PPHLN1: variants seen among roughly 807,000 people sequenced by gnomAD.
The protein encoded by PPHLN1 is periphilin 1, also known as periphilin-1.
PPHLN1 carries 29 observed loss-of-function variants against 51.3 expected under a neutral mutation model. The ratio of observed to expected loss-of-function variants is 0.57; its 90% confidence interval spans 0.42 to 0.77. The LOEUF (loss-of-function observed/expected upper bound fraction) is 0.77. Among genes scored for constraint, PPHLN1 ranks in the 30% least tolerant of loss-of-function variants. The probability of loss-of-function intolerance (pLI) is 0.00; values close to 1 mark genes in which losing one functional copy is unlikely to be tolerated. For missense variants in PPHLN1, 436 were observed against 438.4 expected (o/e 0.99, Z 0.05); for synonymous variants, 147 against 147.8 (o/e 0.99, Z 0.04).
At chr12:42,358,459 T>C (rs1489974142) in intron 4 of PPHLN1, among the ~76,000 whole-genome samples, 1 of 152,252 alleles carries the variant, frequency 6.6e-6, no homozygotes, top group Non-Finnish European at 1.5e-5. Flanking sequence ...GGTGTGATCA[T>C]GGCTCCCTGT....
At chr12:42,347,865 A>G (rs181609602) in intron 2 of PPHLN1, among the ~76,000 whole-genome samples, 1 of 152,276 alleles carries the variant, frequency 6.6e-6, no homozygotes, top group East Asian at 1.9e-4. Flanking sequence ...ATATACCTGG[A>G]TAAGACACGA....
At chr12:42,436,269 T>C (rs1360333100) in intron 9 of PPHLN1, among the ~76,000 whole-genome samples, 2 of 145,750 alleles carry the variant, frequency 1.4e-5, no homozygotes, top group Admixed American at 6.9e-5. Context: ...GCTCTTACAT[T>C]GTCTTAAAGC....
At chr12:42,415,458 A>G (rs956146876) in intron 9 of PPHLN1, among the ~76,000 whole-genome samples, 1 of 152,200 alleles carries the variant, frequency 6.6e-6, no homozygotes, top group Non-Finnish European at 1.5e-5. Context: ...GGCGTGAGCC[A>G]CCGCCCCTAG....
At chr12:42,442,763 G>A (rs966867687), downstream of PPHLN1, 15 of 1,612,080 alleles carry the variant, frequency 9.3e-6, no homozygotes, top group Admixed American at 6.7e-5. Flanking sequence ...GTGCCCGCTC[G>A]GGATTTCCAA....
At chr12:42,415,321 G>A (rs1245260736) in intron 9 of PPHLN1, among the ~76,000 whole-genome samples, 1 of 152,108 alleles carries the variant, frequency 6.6e-6, no homozygotes. Flanking sequence ...ACAGGCGCAT[G>A]CCACCACACC....
At chr12:42,350,106 C>T (rs576885737) in intron 2 of PPHLN1, 10 of 148,254 alleles carry the variant, frequency 6.7e-5, no homozygotes, top group African/African-American at 2.5e-4. Flanking sequence ...GGCTGCCGGG[C>T]GGGGGCGCCC....
At chr12:42,446,648 C>T (rs770763334), downstream of PPHLN1, 5 of 1,604,008 alleles carry the variant, frequency 3.1e-6, no homozygotes, top group Admixed American at 6.7e-5. Flanking sequence ...TGTTGCTGCA[C>T]ACATCTGTAC....
At chr12:42,431,147 T>G (rs2082002837) in intron 9 of PPHLN1, among the ~76,000 whole-genome samples, 1 of 152,220 alleles carries the variant, frequency 6.6e-6, no homozygotes, top group Non-Finnish European at 1.5e-5. Context: ...ATAAATGTAT[T>G]CCAGTGGTCT....
chr12:42,381,204 GTTTA>G (rs1280118901), intron 5 of PPHLN1, among the ~76,000 whole-genome samples: 2 of 152,120 alleles, frequency 1.3e-5, no homozygotes, highest in Non-Finnish European at 2.9e-5. Flanking sequence ...AGGATCCATT[GTTTA>G]CTCACAAGAG....
chr12:42,372,677 A>G (rs962450908), intron 4 of PPHLN1, among the ~76,000 whole-genome samples: 1 of 151,870 alleles, frequency 6.6e-6, no homozygotes, highest in African/African-American at 2.4e-5. Flanking sequence ...GCTTTCCTCT[A>G]TACCAGGCTT....
Position 42,348,276 on chromosome 12 carries a change from A to ATTTT in PPHLN1, c.73-3587_73-3584dup, listed in dbSNP as rs1213561958. ...CAGGCATGCACACCTCACCTGGCTA[A>ATTTT]TTTTTTTTTTTTTTTTTTTTTTTTT... On this transcript the variant is annotated intron_variant, in intron 2 of 9. Coordinates refer to ENST00000358314, the MANE Select transcript of PPHLN1 (RefSeq NM_201439.2). 1.1e-3 allele frequency among the ~76,000 whole-genome samples: 90 copies of ATTTT among 85,588 alleles called. 1 individual carries two copies. Among genetic ancestry groups the ATTTT allele is most frequent in the African/African-American group, 3.4e-3 (70 of 20,336 alleles). The allele number at this position is 85,588 out of a possible 152,430, so 56.1% of individuals were successfully genotyped here. A position where few individuals can be genotyped will look rare whatever the true frequency, so the allele number is the denominator to read the frequency against.
intron 9 of PPHLN1, among the ~76,000 whole-genome samples, chr12:42,419,028 A>T (rs1451631326): frequency 6.6e-6 from 1 of 152,182 alleles, no homozygotes; most frequent in Non-Finnish European, 1.5e-5. Context: ...AAATATATAA[A>T]ATCATTATTT....
chr12:42,352,840 G>A (rs1180020072), intron 3 of PPHLN1, among the ~76,000 whole-genome samples: 1 of 152,130 alleles, frequency 6.6e-6, no homozygotes, highest in South Asian at 2.1e-4. Context: ...TGTAATCCCA[G>A]CACTTTGGGA....
intron 9 of PPHLN1, among the ~76,000 whole-genome samples, chr12:42,430,340 T>TCC: frequency 6.6e-6 from 1 of 151,944 alleles, no homozygotes; most frequent in South Asian, 2.1e-4. Flanking sequence ...TGTGATGCTG[T>TCC]CCCCCCGCCA....
intron 4 of PPHLN1, among the ~76,000 whole-genome samples, chr12:42,363,466 T>C (rs1002079119): frequency 6.6e-6 from 1 of 151,888 alleles, no homozygotes; most frequent in East Asian, 1.9e-4. Flanking sequence ...CATTTTGTTA[T>C]GTGTTTCATG....
chr12:42,400,798 T>TCTCACACA (rs1372615565), intron 9 of PPHLN1, among the ~76,000 whole-genome samples: 46 of 142,630 alleles, frequency 3.2e-4, no homozygotes, highest in African/African-American at 1.1e-3. Context: ...TCTCTCTCTT[T>TCTCACACA]CACACACACA....
chr12:42,329,007 C>G (rs915535939), intron 1 of PPHLN1, among the ~76,000 whole-genome samples: 1 of 152,106 alleles, frequency 6.6e-6, no homozygotes, highest in South Asian at 2.1e-4. Context: ...AGCCACCGCA[C>G]CCAGCCCCAG....
Position 42,326,209 on chromosome 12 carries a change from T to C in PPHLN1, c.-41T>C, listed in dbSNP as rs955785525. 6.6e-6 allele frequency: 1 copy of C among 152,070 alleles called. No individual in the cohort carries two copies. Among genetic ancestry groups the C allele is most frequent in the Non-Finnish European group, 1.5e-5 (1 of 68,082 alleles). 9.4% of individuals were successfully genotyped at this position (152,070 alleles called of 1,614,324 possible). A position where few individuals can be genotyped will look rare whatever the true frequency, so the allele number is the denominator to read the frequency against. On this transcript the variant is annotated 5_prime_UTR_variant, in exon 1 of 10. Coordinates refer to ENST00000358314, the MANE Select transcript of PPHLN1 (RefSeq NM_201439.2). ...CGAGCGGACGGCTGCATTTACGGGG[T>C]CTCCCGGAGGGCCAGAGTCGGTGAG...
At chr12:42,387,609 A>G (rs2077299867) in intron 7 of PPHLN1, 74 bp downstream of exon 7, 2 of 1,514,622 alleles carry the variant, frequency 1.3e-6, no homozygotes, top group Non-Finnish European at 1.8e-6. Flanking sequence ...AGATGCTTTT[A>G]TTCTTTACTG....
Sources: allele counts gnomAD v4.1 joint callset (sites outside exome capture counted in the v4.1 genomes callset), GRCh38; gene constraint gnomAD v4.1.1; transcripts MANE v1.5; gene names NCBI Gene and HGNC (gene_info 2026-07-23, HGNC 2026-07-21).